The following MCC variants were observed in gnomAD, a reference collection of about 807,000 sequenced individuals.
The protein encoded by MCC is MCC regulator of Wnt signaling pathway.
MCC carries 90 observed loss-of-function variants against 116.2 expected under a neutral mutation model. That is an observed-to-expected ratio of 0.77 (90% CI 0.65 to 0.92). The LOEUF (loss-of-function observed/expected upper bound fraction) is 0.92, where lower values mean the gene tolerates loss of function less well. Ranked by LOEUF, MCC falls within the 40% of genes least tolerant of loss-of-function variation. MCC has a pLI of 0.00. For missense variants in MCC, 1,516 were observed against 1,312.2 expected, an observed-to-expected ratio of 1.16 and a Z score of -2.40; for synonymous variants, 578 against 510.5, an observed-to-expected ratio of 1.13 and a Z score of -1.78.
chr5:113,339,223 T>C (rs1369935827), intron 3 of MCC, among the ~76,000 whole-genome samples: 3 of 136,152 alleles, frequency 2.2e-5, no homozygotes, highest in South Asian at 4.4e-4. Context: ...CGAAACTCCA[T>C]CTCAAAAAAA....
chr5:113,401,952 C>G (rs1020263883), intron 1 of MCC, among the ~76,000 whole-genome samples: 8 of 151,676 alleles, frequency 5.3e-5, no homozygotes, highest in African/African-American at 1.9e-4. Flanking sequence ...TGGGCTCAAG[C>G]GATCCTCCTG....
chr5:113,096,606 C>G (rs1320556540), intron 8 of MCC, among the ~76,000 whole-genome samples: 1 of 152,228 alleles, frequency 6.6e-6, no homozygotes, highest in Non-Finnish European at 1.5e-5. Context: ...GTAAAGCCAT[C>G]TGCCTAGTTC....
chr5:113,208,978 A>C (rs1436612292), intron 3 of MCC, among the ~76,000 whole-genome samples: 1 of 152,256 alleles, frequency 6.6e-6, no homozygotes, highest in Admixed American at 6.5e-5. Context: ...GCTATCATAT[A>C]GTAGTCTAAT....
chr5:113,027,895 C>T (rs1750678413), intron 18 of MCC, among the ~76,000 whole-genome samples: 1 of 152,172 alleles, frequency 6.6e-6, no homozygotes, highest in African/African-American at 2.4e-5. Flanking sequence ...TCAAAGTGAC[C>T]ATACCTGGGA....
intron 3 of MCC, among the ~76,000 whole-genome samples, chr5:113,228,984 T>C (rs955215087): frequency 6.6e-6 from 1 of 152,228 alleles, no homozygotes; most frequent in African/African-American, 2.4e-5. Flanking sequence ...GATTTTATCA[T>C]GTTTAGTTTT....
chr5:113,134,536 T>C (rs1301548916), intron 5 of MCC, among the ~76,000 whole-genome samples: 3 of 150,956 alleles, frequency 2.0e-5, no homozygotes, highest in African/African-American at 7.3e-5. Context: ...TTGCTCAGGA[T>C]TGGCTTTGGC....
At chr5:113,092,322 A>C (rs1275605785) in intron 8 of MCC, among the ~76,000 whole-genome samples, 1 of 152,196 alleles carries the variant, frequency 6.6e-6, no homozygotes, top group Non-Finnish European at 1.5e-5. Context: ...AGGAAGGGGC[A>C]TACTCAAAGG....
intron 16 of MCC, among the ~76,000 whole-genome samples, chr5:113,047,740 G>A (rs1432733711): frequency 1.3e-5 from 2 of 151,998 alleles, no homozygotes; most frequent in Admixed American, 6.5e-5. Context: ...CCTTGGACAA[G>A]GGATATAATT....
intron 3 of MCC, among the ~76,000 whole-genome samples, chr5:113,267,951 G>A (rs1014294575): frequency 6.6e-6 from 1 of 152,148 alleles, no homozygotes; most frequent in African/African-American, 2.4e-5. Context: ...AAATTAGAAT[G>A]AAATAAAGTG....
chr5:113,359,831 C>G (rs1446180080), intron 2 of MCC, among the ~76,000 whole-genome samples: 1 of 152,136 alleles, frequency 6.6e-6, no homozygotes, highest in Admixed American at 6.5e-5. Flanking sequence ...CCTTTAGCCC[C>G]TGAAGCGGGC....
intron 2 of MCC, among the ~76,000 whole-genome samples, chr5:113,355,821 G>C (rs1425349102): frequency 1.3e-5 from 2 of 152,118 alleles, no homozygotes; most frequent in East Asian, 3.9e-4. Flanking sequence ...CATCACACTG[G>C]GGGTTAGGGT....
intron 8 of MCC, among the ~76,000 whole-genome samples, chr5:113,087,201 A>C (rs1286633734): frequency 6.6e-6 from 1 of 152,244 alleles, no homozygotes; most frequent in Non-Finnish European, 1.5e-5. Context: ...TGGGAACCAA[A>C]AGTAATTGAA....
At chr5:113,052,363 A>C (rs1022479640) in intron 15 of MCC, among the ~76,000 whole-genome samples, 2 of 151,616 alleles carry the variant, frequency 1.3e-5, no homozygotes, top group Admixed American at 6.6e-5. Flanking sequence ...GCTCATAAGC[A>C]ATGAGAGGTG....
intron 8 of MCC, 41 bp from the exon 9 acceptor site, chr5:113,085,351 T>G (rs1184815584): frequency 1.0e-5 from 16 of 1,565,144 alleles, no homozygotes; most frequent in Non-Finnish European, 1.3e-5. Flanking sequence ...GTGGTTTCCC[T>G]GGCTAAAGAG....
intron 17 of MCC, among the ~76,000 whole-genome samples, chr5:113,040,215 C>G (rs1021092225): frequency 1.3e-5 from 2 of 151,214 alleles, no homozygotes; most frequent in African/African-American, 2.4e-5. Flanking sequence ...TTGTTCCAAA[C>G]AGAAGAAAGT....
chr5:113,382,681 G>T (rs1769153840), intron 2 of MCC, among the ~76,000 whole-genome samples: 1 of 152,178 alleles, frequency 6.6e-6, no homozygotes, highest in Non-Finnish European at 1.5e-5. Context: ...CGTATTTAGT[G>T]ATTATGTGTG....
At chr5:113,205,727 C>T (rs1369246060) in intron 3 of MCC, among the ~76,000 whole-genome samples, 1 of 152,010 alleles carries the variant, frequency 6.6e-6, no homozygotes, top group Non-Finnish European at 1.5e-5. Context: ...CTTTAAATAA[C>T]GGGAATCTAA....
At chr5:113,263,205 G>C (rs1397573476) in intron 3 of MCC, among the ~76,000 whole-genome samples, 1 of 152,198 alleles carries the variant, frequency 6.6e-6, no homozygotes, top group Non-Finnish European at 1.5e-5. Flanking sequence ...GCTGGAGTTA[G>C]AGAAGGTAGA....
chr5:113,028,456 A>T (rs1272814103), intron 18 of MCC, among the ~76,000 whole-genome samples: 1 of 152,198 alleles, frequency 6.6e-6, no homozygotes, highest in African/African-American at 2.4e-5. Context: ...GAGAAGTATC[A>T]ATAAATACAA....
Sources: gnomAD v4.1 joint callset for allele counts (sites outside exome capture counted in the v4.1 genomes callset) on GRCh38, gnomAD v4.1.1 for gene constraint, MANE v1.5 for transcripts, NCBI Gene and HGNC (gene_info 2026-07-23, HGNC 2026-07-21) for gene names.